The following NRXN1 variants were observed in gnomAD, a reference collection of about 807,000 sequenced individuals.
NRXN1 encodes the protein neurexin 1.
A neutral mutation model predicts 150.9 loss-of-function variants in NRXN1; 39 were observed. The ratio of observed to expected loss-of-function variants is 0.26; its 90% CI spans 0.20 to 0.34. NRXN1 has a LOEUF of 0.34. Ranked by LOEUF, NRXN1 falls within the 10% of genes least tolerant of loss-of-function variation. The pLI, the probability that NRXN1 is intolerant of heterozygous loss-of-function variation, is 1.00. For missense variants in NRXN1, 1,815 were observed against 1,949.9 expected (o/e 0.93, Z 1.30); for synonymous variants, 924 against 757.0 (o/e 1.22, Z -3.62).
intron 18 of NRXN1, among the ~76,000 whole-genome samples, chr2:50,181,611 T>C (rs1337373082): frequency 1.3e-5 from 2 of 152,160 alleles, no homozygotes; most frequent in African/African-American, 2.4e-5. Flanking sequence ...TTTGGCCATT[T>C]ACAGCTGAGG....
intron 5 of NRXN1, among the ~76,000 whole-genome samples, chr2:50,851,995 T>A (rs1296449856): frequency 6.6e-6 from 1 of 152,198 alleles, no homozygotes; most frequent in Non-Finnish European, 1.5e-5. Flanking sequence ...GAATGTCTTT[T>A]TAGCCACAGA....
chr2:50,076,690 G>A (rs756629816), intron 19 of NRXN1, among the ~76,000 whole-genome samples: 8 of 152,038 alleles, frequency 5.3e-5, no homozygotes, highest in African/African-American at 1.7e-4. Flanking sequence ...TTTGATGTGT[G>A]GTATATATTC....
intron 17 of NRXN1, among the ~76,000 whole-genome samples, chr2:50,326,781 T>A (rs1223067744): frequency 6.6e-6 from 1 of 152,204 alleles, no homozygotes; most frequent in Non-Finnish European, 1.5e-5. Flanking sequence ...TCCTAGGCTG[T>A]TCTTTGCTAA....
At chr2:50,842,993 C>A (rs544371440) in intron 5 of NRXN1, among the ~76,000 whole-genome samples, 1 of 152,088 alleles carries the variant, frequency 6.6e-6, no homozygotes, top group South Asian at 2.1e-4. Flanking sequence ...AGAGAGAATC[C>A]AAATCATTTA....
Position 49,940,426 on chromosome 2 carries a change from A to G in NRXN1, c.4216+3278T>C, listed in dbSNP as rs191786080. Among the ~76,000 whole-genome samples, 335 of 152,302 alleles carry G rather than the reference A, an allele frequency of 2.2e-3. 2 individuals are homozygous for G. Among genetic ancestry groups the G allele is most frequent in the African/African-American group, 7.7e-3 (319 of 41,570 alleles). On this transcript the variant is annotated intron_variant, in intron 22 of 22. Transcript: ENST00000401669. ...TCTAATAACAGCAGCAGCTACAATT[A>G]TTGTTATATTATTTTATGTTTGCAT...
At chr2:50,413,162 GA>G (rs1055229873) in intron 17 of NRXN1, among the ~76,000 whole-genome samples, 6 of 152,168 alleles carry the variant, frequency 3.9e-5, no homozygotes, top group Admixed American at 3.9e-4. Flanking sequence ...CAGAATGGGA[GA>G]AACTATTTGC....
intron 2 of NRXN1, among the ~76,000 whole-genome samples, chr2:50,962,578 C>G (rs1460511846): frequency 6.6e-6 from 1 of 151,354 alleles, no homozygotes; most frequent in East Asian, 1.9e-4. Flanking sequence ...TGTTCAAGGC[C>G]CTGAGACCCA....
intron 21 of NRXN1, among the ~76,000 whole-genome samples, chr2:50,049,330 A>G (rs571606826): frequency 3.3e-5 from 5 of 152,294 alleles, no homozygotes; most frequent in African/African-American, 1.2e-4. Context: ...CATCATCACT[A>G]GAATCAAAGA....
intron 2 of NRXN1, among the ~76,000 whole-genome samples, chr2:50,968,517 G>C (rs1003849327): frequency 2.0e-5 from 3 of 151,792 alleles, no homozygotes; most frequent in African/African-American, 4.8e-5. Flanking sequence ...AACTCTTCTG[G>C]TGGTAATCTG....
At chr2:50,793,542 C>A (rs1397174512) in intron 5 of NRXN1, among the ~76,000 whole-genome samples, 1 of 151,966 alleles carries the variant, frequency 6.6e-6, no homozygotes, top group East Asian at 1.9e-4. Flanking sequence ...CTAGTTTATC[C>A]CTTAATTTTA....
intron 17 of NRXN1, among the ~76,000 whole-genome samples, chr2:50,261,313 T>C (rs2068249061): frequency 6.6e-6 from 1 of 151,848 alleles, no homozygotes; most frequent in South Asian, 2.1e-4. Flanking sequence ...TCCCAGACTT[T>C]GCTTAACAAG....
intron 2 of NRXN1, among the ~76,000 whole-genome samples, chr2:50,961,964 T>C (rs988821005): frequency 2.0e-5 from 3 of 147,640 alleles, no homozygotes; most frequent in Non-Finnish European, 3.0e-5. Context: ...GCCTGCTAGT[T>C]AAAAAAAAAA....
intron 9 of NRXN1, among the ~76,000 whole-genome samples, chr2:50,541,749 A>G (rs2093394865): frequency 6.6e-6 from 1 of 152,014 alleles, no homozygotes; most frequent in Admixed American, 6.6e-5. Context: ...AAAAGAAAAA[A>G]AAAATATTCA....
intron 5 of NRXN1, among the ~76,000 whole-genome samples, chr2:50,807,954 C>T (rs1667724034): frequency 6.6e-6 from 1 of 152,030 alleles, no homozygotes; most frequent in African/African-American, 2.4e-5. Context: ...TATAAAATGT[C>T]ATCAAATTTA....
intron 2 of NRXN1, among the ~76,000 whole-genome samples, chr2:50,983,889 T>C (rs1292607652): frequency 6.6e-6 from 1 of 152,024 alleles, no homozygotes; most frequent in Non-Finnish European, 1.5e-5. Flanking sequence ...GTAGAGTGGA[T>C]AGACATTAGC....
chr2:50,014,164 G>A (rs1352009198), intron 21 of NRXN1, among the ~76,000 whole-genome samples: 5 of 151,826 alleles, frequency 3.3e-5, no homozygotes, highest in South Asian at 2.1e-4. Context: ...ATAGCAGAGC[G>A]AATAGTGTTG....
intron 2 of NRXN1, among the ~76,000 whole-genome samples, chr2:50,928,059 C>G (rs1449163160): frequency 6.6e-6 from 1 of 151,940 alleles, no homozygotes; most frequent in Non-Finnish European, 1.5e-5. Flanking sequence ...GGATCCTACT[C>G]TACCATCTAG....
chr2:50,128,856 G>A (rs371704754), intron 18 of NRXN1, among the ~76,000 whole-genome samples: 1 of 151,616 alleles, frequency 6.6e-6, no homozygotes, highest in Non-Finnish European at 1.5e-5. Context: ...GGTGGCGGGC[G>A]CCTGTAATCC....
At chr2:50,975,250 A>G (rs1477480278) in intron 2 of NRXN1, among the ~76,000 whole-genome samples, 1 of 152,170 alleles carries the variant, frequency 6.6e-6, no homozygotes, top group Admixed American at 6.6e-5. Context: ...GTAAATATTT[A>G]TAAACATAAC....
Sources: gnomAD v4.1 joint callset for allele counts (sites outside exome capture counted in the v4.1 genomes callset) on GRCh38, gnomAD v4.1.1 for gene constraint, MANE v1.5 for transcripts, NCBI Gene and HGNC (gene_info 2026-07-23, HGNC 2026-07-21) for gene names.